ITGAL: variants seen among roughly 807,000 people sequenced by gnomAD.
The protein encoded by ITGAL is integrin subunit alpha L, also known as integrin alpha-L.
Under a neutral mutation model 138.4 loss-of-function variants are expected in ITGAL, and 68 were observed. That is an observed-to-expected ratio of 0.49 (90% CI 0.40 to 0.60). The LOEUF is 0.60. Ranked by LOEUF, ITGAL falls within the 20% of genes least tolerant of loss-of-function variation. The pLI is 0.00. For missense variants in ITGAL, 1,256 were observed against 1,478.6 expected, an observed-to-expected ratio of 0.85 and a Z score of 2.47; for synonymous variants, 561 against 584.3, an observed-to-expected ratio of 0.96 and a Z score of 0.57.
At chr16:30,475,782 A>G (rs572155349) in intron 4 of ITGAL, among the ~76,000 whole-genome samples, 95 of 68,034 alleles carry the variant, frequency 1.4e-3, no homozygotes, top group Admixed American at 2.3e-3. Flanking sequence ...TCATTCTATT[A>G]TTCTATTGCC....
intron 25 of ITGAL, 117 bp from the exon 26 acceptor site, chr16:30,516,856 G>A: frequency 1.3e-6 from 1 of 769,140 alleles, no homozygotes. Context: ...TAACCGACAA[G>A]GGCCCTGGGG....
At chr16:30,510,129 C>G (rs529720136) in intron 21 of ITGAL, among the ~76,000 whole-genome samples, 5 of 152,152 alleles carry the variant, frequency 3.3e-5, no homozygotes, top group Non-Finnish European at 7.3e-5. Flanking sequence ...ATCCTCCCAC[C>G]TCAGCCTCCC....
chr16:30,505,148 T>C (rs1362355156), intron 18 of ITGAL, 96 bp from the exon 19 acceptor site: 1 of 1,244,388 alleles, frequency 8.0e-7, no homozygotes, highest in Non-Finnish European at 1.1e-6. Flanking sequence ...GCCAGCCCAG[T>C]TGAGCTAAGC....
At chr16:30,486,664 G>C (rs552951275) in intron 9 of ITGAL, among the ~76,000 whole-genome samples, 1 of 152,258 alleles carries the variant, frequency 6.6e-6, no homozygotes, top group East Asian at 1.9e-4. Context: ...CAGGAAAATG[G>C]AAAAAGTTCA....
chr16:30,476,332 G>A (rs2050471240), intron 4 of ITGAL, among the ~76,000 whole-genome samples: 1 of 151,774 alleles, frequency 6.6e-6, no homozygotes, highest in Non-Finnish European at 1.5e-5. Context: ...AGCAGAGCCA[G>A]CTATTTTCAA....
chr16:30,517,724 A>G lies in ITGAL; in HGVS notation c.3033+19A>G. 3 of 1,613,762 alleles carry G rather than the reference A, an allele frequency of 1.9e-6. No homozygotes were observed. Among genetic ancestry groups the G allele is most frequent in the Non-Finnish European group, 2.5e-6 (3 of 1,179,648 alleles). ...AGCTGAGGTATGGGCGTGTGAGCTG[A>G]GAGACGGTGGGGCTGGGCGGTACAC... On this transcript the variant is annotated intron_variant, in intron 27 of 30. Coordinates refer to ENST00000356798, the MANE Select transcript of ITGAL (RefSeq NM_002209.3).
At chr16:30,510,204 CCT>C (rs919621950) in intron 21 of ITGAL, among the ~76,000 whole-genome samples, 155 bp from the exon 22 acceptor site, 5 of 152,260 alleles carry the variant, frequency 3.3e-5, no homozygotes, top group Non-Finnish European at 7.4e-5. Context: ...TTGTACTAAG[CCT>C]CTGTCTGCAG....
chr16:30,510,606 G>A (rs2051075673), intron 22 of ITGAL, 135 bp downstream of exon 22: 2 of 645,560 alleles, frequency 3.1e-6, no homozygotes, highest in Admixed American at 2.7e-5. Flanking sequence ...TAAGAGAAAT[G>A]TATGTGAATC....
chr16:30,490,226 T>TAAAA lies in ITGAL; in HGVS notation c.1213+840_1213+841insAAAA, dbSNP rs780440564. Among the ~76,000 whole-genome samples the TAAAA allele has an allele frequency of 5.2e-4, 60 of 115,152 alleles. 17 individuals carry two copies. The highest frequency in any genetic ancestry group is 5.0e-4 in the Admixed American group (5 of 10,084). The allele number at this position is 115,152 out of a possible 152,430, so 75.5% of individuals were successfully genotyped here. A position where few individuals can be genotyped will look rare whatever the true frequency, so the allele number is the denominator to read the frequency against. On this transcript the variant is annotated intron_variant, in intron 11 of 30. Transcript: ENST00000356798. ...CAAGATGACAGAGCGAGACTCCGTC[T>TAAAA]TAAAAAAAAAAAAAAAAAAAAGGCC...
intron 21 of ITGAL, among the ~76,000 whole-genome samples, chr16:30,508,492 C>T (rs989620485): frequency 6.6e-6 from 1 of 152,170 alleles, no homozygotes. Flanking sequence ...GGATTACAGG[C>T]GTGAGCCACT....
intron 9 of ITGAL, among the ~76,000 whole-genome samples, 200 bp downstream of exon 9, chr16:30,484,463 G>T (rs2050610538): frequency 6.6e-6 from 1 of 151,560 alleles, no homozygotes; most frequent in Non-Finnish European, 1.5e-5. Flanking sequence ...ACAAAAAATA[G>T]CCAGGTGTGG....
At chr16:30,517,949 G>A in intron 28 of ITGAL, 54 bp downstream of exon 28, 1 of 1,447,516 alleles carries the variant, frequency 6.9e-7, no homozygotes. Flanking sequence ...CAATGCCTGG[G>A]GCCGTTGTGG....
At chr16:30,485,053 G>C (rs888849858) in intron 9 of ITGAL, among the ~76,000 whole-genome samples, 10 of 152,186 alleles carry the variant, frequency 6.6e-5, no homozygotes, top group African/African-American at 2.4e-4. Context: ...CAGACCTTTA[G>C]AAGGAATTTA....
intron 21 of ITGAL, among the ~76,000 whole-genome samples, chr16:30,510,045 A>G (rs1402194469): frequency 8.3e-6 from 1 of 119,784 alleles, no homozygotes; most frequent in Non-Finnish European, 1.8e-5. Flanking sequence ...TATTTAAAAA[A>G]AAAAAAAATT....
chr16:30,510,402 A>G lies in ITGAL; in HGVS notation c.2550A>G (p.Glu850=). 6.2e-7 allele frequency: 1 copy of G among 1,613,516 alleles called. No homozygotes were observed. The highest frequency in any genetic ancestry group is 1.3e-5 in the African/African-American group (1 of 75,028). Reference sequence around the variant, plus strand: ...CTGTGAGCTGCGAGGAGCTTCCTGAAGAGTCCAGGCTTCTGTCCAGGGCAT... The same window carrying G: ...CTGTGAGCTGCGAGGAGCTTCCTGAGGAGTCCAGGCTTCTGTCCAGGGCAT... ...QIPVSCEELP[E]ESRLLSRALS... is the part of the protein sequence containing the mutation. Residue 850 remains glutamate (E), a synonymous_variant, in exon 22 of 31, where the codon GAA becomes GAG. Transcript: ENST00000356798.
intron 15 of ITGAL, among the ~76,000 whole-genome samples, chr16:30,497,874 G>A (rs1002826426): frequency 6.6e-6 from 1 of 151,760 alleles, no homozygotes; most frequent in African/African-American, 2.4e-5. Context: ...TTGAGCCTGG[G>A]AGGTCGAGGT....
At chr16:30,515,700 G>A (rs954412729) in intron 25 of ITGAL, among the ~76,000 whole-genome samples, 6 of 151,984 alleles carry the variant, frequency 3.9e-5, no homozygotes, top group South Asian at 2.1e-4. Flanking sequence ...GGTCAGGCGC[G>A]GTGGCTCACA....
intron 4 of ITGAL, among the ~76,000 whole-genome samples, chr16:30,478,177 T>C (rs1041648424): frequency 1.4e-5 from 2 of 147,960 alleles, no homozygotes; most frequent in South Asian, 4.3e-4. Context: ...CTACTAAAAG[T>C]ACAAAAATTA....
chr16:30,506,885 G>A, intron 21 of ITGAL, 29 bp downstream of exon 21: 1 of 1,612,336 alleles, frequency 6.2e-7, no homozygotes, highest in Non-Finnish European at 8.5e-7. Context: ...CCTGCCTGCG[G>A]GCATCTGTTC....
Sources: gnomAD v4.1 joint callset for allele counts (sites outside exome capture counted in the v4.1 genomes callset) on GRCh38, gnomAD v4.1.1 for gene constraint, MANE v1.5 for transcripts, NCBI Gene and HGNC (gene_info 2026-07-23, HGNC 2026-07-21) for gene names.